TEAD1: variants seen among roughly 807,000 people sequenced by gnomAD.
TEAD1 encodes TEA domain transcription factor 1.
In TEAD1, 9 loss-of-function variants were observed where a neutral mutation model predicts 54.9. The ratio of observed to expected loss-of-function variants is 0.16; its 90% CI spans 0.10 to 0.29. TEAD1 has a LOEUF of 0.29. Among genes scored for constraint, TEAD1 ranks in the 10% least tolerant of loss-of-function variants. The pLI is 1.00. For missense variants in TEAD1, 387 were observed against 535.9 expected, an observed-to-expected ratio of 0.72 and a Z score of 2.74; for synonymous variants, 200 against 187.8, an observed-to-expected ratio of 1.07 and a Z score of -0.53.
chr11:12,800,819 A>G (rs11022505), intron 3 of TEAD1, among the ~76,000 whole-genome samples: 66,303 of 152,122 alleles, frequency 0.44, 17,105 homozygotes, highest in Non-Finnish European at 0.57. Flanking sequence ...TCCTAGCACA[A>G]GGCTAGTCTC....
intron 10 of TEAD1, among the ~76,000 whole-genome samples, chr11:12,912,122 C>T (rs1411488815): frequency 6.6e-6 from 1 of 152,108 alleles, no homozygotes; most frequent in Non-Finnish European, 1.5e-5. Context: ...AAGGAGACCT[C>T]AAGAGACTCA....
At chr11:12,756,954 C>A (rs77112473) in intron 2 of TEAD1, among the ~76,000 whole-genome samples, 4,977 of 152,194 alleles carry the variant, frequency 0.033, 106 homozygotes, top group Non-Finnish European at 0.045. Flanking sequence ...TTTTTCCCCC[C>A]AGTCTTTTTG....
intron 10 of TEAD1, among the ~76,000 whole-genome samples, chr11:12,910,566 A>C (rs1948598096): frequency 6.6e-6 from 1 of 152,178 alleles, no homozygotes; most frequent in African/African-American, 2.4e-5. Context: ...GTTATAACAA[A>C]TTTTTAAATA....
At chr11:12,926,655 G>T in intron 11 of TEAD1, among the ~76,000 whole-genome samples, 1 of 152,184 alleles carries the variant, frequency 6.6e-6, no homozygotes, top group East Asian at 1.9e-4. Context: ...TGGGAATGGA[G>T]ACCTAGCTGC....
At chr11:12,836,715 G>T (rs1946900447) in intron 3 of TEAD1, among the ~76,000 whole-genome samples, 1 of 152,124 alleles carries the variant, frequency 6.6e-6, no homozygotes. Context: ...TTCAGTTTCT[G>T]ATTTCAGTCC....
chr11:12,850,747 C>G (rs1262638898), intron 3 of TEAD1, among the ~76,000 whole-genome samples: 1 of 152,184 alleles, frequency 6.6e-6, no homozygotes, highest in Non-Finnish European at 1.5e-5. Context: ...TTTCACACTT[C>G]TCTAAGGCCA....
intron 9 of TEAD1, 145 bp downstream of exon 9, chr11:12,883,270 C>A: frequency 7.5e-7 from 1 of 1,329,272 alleles, no homozygotes; most frequent in Non-Finnish European, 1.1e-6. Flanking sequence ...AAAGAATAGC[C>A]TTTTGATTAA....
chr11:12,825,254 G>A (rs1239120963), intron 3 of TEAD1, among the ~76,000 whole-genome samples: 5 of 152,082 alleles, frequency 3.3e-5, no homozygotes, highest in Non-Finnish European at 7.4e-5. Context: ...AGAAATCAAA[G>A]GCATCCGGAT....
At chr11:12,875,730 GA>G (rs1211478465) in intron 5 of TEAD1, among the ~76,000 whole-genome samples, 1 of 152,180 alleles carries the variant, frequency 6.6e-6, no homozygotes, top group East Asian at 1.9e-4. Flanking sequence ...ACCTCTACTT[GA>G]GATGAAATTT....
At chr11:12,808,242 A>G (rs1946219444) in intron 3 of TEAD1, among the ~76,000 whole-genome samples, 1 of 107,882 alleles carries the variant, frequency 9.3e-6, no homozygotes, top group Admixed American at 1.0e-4. Context: ...CAGGGAAATT[A>G]TAGGTCATAG....
intron 10 of TEAD1, among the ~76,000 whole-genome samples, chr11:12,920,145 C>A (rs1442304473): frequency 6.6e-6 from 1 of 152,134 alleles, no homozygotes; most frequent in African/African-American, 2.4e-5. Flanking sequence ...TGTTGAAAGT[C>A]ATTTTGTCAA....
intron 5 of TEAD1, chr11:12,878,806 T>G: frequency 1.2e-6 from 1 of 864,942 alleles, no homozygotes; most frequent in Non-Finnish European, 1.6e-6. Flanking sequence ...TACACATATA[T>G]ATATGTTTTT....
At chr11:12,798,593 G>T (rs191366322) in intron 3 of TEAD1, among the ~76,000 whole-genome samples, 13 of 152,320 alleles carry the variant, frequency 8.5e-5, no homozygotes, top group African/African-American at 2.9e-4. Flanking sequence ...GTTGGAACCC[G>T]TGGTGGGTAT....
intron 3 of TEAD1, among the ~76,000 whole-genome samples, chr11:12,773,163 T>G (rs990892738): frequency 2.6e-5 from 4 of 152,328 alleles, no homozygotes; most frequent in African/African-American, 9.6e-5. Flanking sequence ...ACAGTTTGTT[T>G]AACCATTCTG....
At chr11:12,903,444 A>G (rs1236928150) in intron 10 of TEAD1, among the ~76,000 whole-genome samples, 2 of 152,270 alleles carry the variant, frequency 1.3e-5, no homozygotes, top group Non-Finnish European at 2.9e-5. Context: ...GGAAATTTGC[A>G]TATTAAATTA....
At chr11:12,716,427 C>T (rs1401419209) in intron 2 of TEAD1, among the ~76,000 whole-genome samples, 2 of 152,170 alleles carry the variant, frequency 1.3e-5, no homozygotes, top group Non-Finnish European at 2.9e-5. Context: ...CTGCTGAATC[C>T]CTGGACCTGA....
At chr11:12,836,132 T>C (rs1402698510) in intron 3 of TEAD1, among the ~76,000 whole-genome samples, 1 of 152,078 alleles carries the variant, frequency 6.6e-6, no homozygotes, top group African/African-American at 2.4e-5. Context: ...TAAAAAAAGA[T>C]CTTTTAGGCC....
intron 9 of TEAD1, among the ~76,000 whole-genome samples, chr11:12,886,936 G>C (rs1487661377): frequency 1.3e-5 from 2 of 152,190 alleles, no homozygotes; most frequent in South Asian, 2.1e-4. Context: ...TTACCAGCCA[G>C]AGCTCTGTCA....
At chr11:12,716,601 C>T (rs1339772275) in intron 2 of TEAD1, among the ~76,000 whole-genome samples, 6 of 152,176 alleles carry the variant, frequency 3.9e-5, no homozygotes, top group African/African-American at 1.4e-4. Context: ...TGCAGGTCAC[C>T]TGGTCTCTGC....
Sources: gnomAD v4.1 joint callset for allele counts (sites outside exome capture counted in the v4.1 genomes callset) on GRCh38, gnomAD v4.1.1 for gene constraint, MANE v1.5 for transcripts, NCBI Gene and HGNC (gene_info 2026-07-23, HGNC 2026-07-21) for gene names.